The following STN1 variants were observed in gnomAD, a reference collection of about 807,000 sequenced individuals.
STN1 encodes CST complex subunit STN1.
A neutral mutation model predicts 45.5 loss-of-function variants in STN1; 29 were observed. That is an observed-to-expected ratio of 0.64 (90% confidence interval 0.47 to 0.87). STN1 has a LOEUF of 0.87. STN1 is among the 40% of genes least tolerant of loss of function. The pLI, the probability that STN1 is intolerant of heterozygous loss-of-function variation, is 0.00. For missense variants in STN1, 376 were observed against 441.4 expected (o/e 0.85, Z 1.33); for synonymous variants, 148 against 159.0 (o/e 0.93, Z 0.52).
chr10:103,902,346 T>C (rs1843215059), intron 4 of STN1, among the ~76,000 whole-genome samples: 1 of 152,186 alleles, frequency 6.6e-6, no homozygotes, highest in South Asian at 2.1e-4. Flanking sequence ...ATAAATCTCA[T>C]TGTCATTATG....
At chr10:103,895,448 G>C (rs1204923446) in intron 7 of STN1, among the ~76,000 whole-genome samples, 1 of 152,148 alleles carries the variant, frequency 6.6e-6, no homozygotes, top group Non-Finnish European at 1.5e-5. Context: ...AGAAGTCCTA[G>C]GAGGTCAATT....
Position 103,896,958 on chromosome 10 carries a change from G to C in STN1, c.753+590C>G, listed in dbSNP as rs139108950. On this transcript the variant is annotated intron_variant, in intron 7 of 9. Coordinates refer to ENST00000224950, the MANE Select transcript of STN1 (RefSeq NM_024928.5). The stretch of plus-strand genomic sequence containing the variant: ...GATGTTTAATCTCAGCAGAAGCCAA[G>C]TGACAGGGAAGTAGATGAGAGGAGG... Among the ~76,000 whole-genome samples, 171 of 152,308 alleles carry C rather than the reference G, an allele frequency of 1.1e-3. 1 individual carries two copies. The highest frequency in any genetic ancestry group is 4.0e-3 in the African/African-American group (167 of 41,570).
In STN1 at chr10:103,886,399, A is replaced by ATT. The variant is rs11405900; in HGVS notation, c.949+2671_949+2672dup. Among the ~76,000 whole-genome samples the ATT allele has an allele frequency of 2.5e-3, 368 of 148,562 alleles. 1 individual carries two copies. Among genetic ancestry groups the ATT allele is most frequent in the South Asian group, 9.1e-3 (43 of 4,714 alleles). On this transcript the variant is annotated intron_variant, in intron 9 of 9. Coordinates refer to ENST00000224950, the MANE Select transcript of STN1 (RefSeq NM_024928.5). Reference sequence around the variant, plus strand: ...CGGTGTTTATTGTACCAGTCTTTTAATTTTTTTTTTTTTGATAAATTGGAA... The same window carrying ATT: ...CGGTGTTTATTGTACCAGTCTTTTAATTTTTTTTTTTTTTTGATAAATTGGAA...
intron 5 of STN1, 101 bp downstream of exon 5, chr10:103,899,961 T>C (rs1177664801): frequency 9.6e-7 from 1 of 1,038,476 alleles, no homozygotes. Context: ...GAGTTATACC[T>C]TAACTGAACT....
At chr10:103,910,104 T>C (rs1162393703) in intron 3 of STN1, among the ~76,000 whole-genome samples, 1 of 152,222 alleles carries the variant, frequency 6.6e-6, no homozygotes, top group Non-Finnish European at 1.5e-5. Context: ...TATTTTAAAA[T>C]TATTTTTCAC....
chr10:103,906,093 T>C (rs888519321), intron 3 of STN1, among the ~76,000 whole-genome samples: 1 of 152,180 alleles, frequency 6.6e-6, no homozygotes, highest in Non-Finnish European at 1.5e-5. Context: ...CCTAAATCTA[T>C]GCTGAAGAAA....
At chr10:103,889,243 A>G in intron 8 of STN1, 99 bp from the exon 9 acceptor site, 1 of 762,158 alleles carries the variant, frequency 1.3e-6, no homozygotes, top group East Asian at 2.6e-5. Flanking sequence ...GTTTCTAAAG[A>G]TTACATAATA....
At position 103,878,167 on chromosome 10, in the gene STN1, C is replaced by G. The variant is rs1339831254; in HGVS notation, c.*4517G>C. ...CATAATCATGGCTCTTCAAACAAATCCTTGACCAGACAGTAGCACTATTTG... is the reference window on the plus strand; with the variant it reads ...CATAATCATGGCTCTTCAAACAAATGCTTGACCAGACAGTAGCACTATTTG... On this transcript the variant is annotated 3_prime_UTR_variant, in exon 10 of 10. Coordinates refer to ENST00000224950, the MANE Select transcript of STN1 (RefSeq NM_024928.5). 1.3e-5 allele frequency: 2 copies of G among 152,208 alleles called. No individual in the cohort carries two copies. Among genetic ancestry groups the G allele is most frequent in the Non-Finnish European group, 2.9e-5 (2 of 68,056 alleles). The allele number at this position is 152,208 out of a possible 1,614,324, so 9.4% of individuals were successfully genotyped here. A position where few individuals can be genotyped will look rare whatever the true frequency, so the allele number is the denominator to read the frequency against.
chr10:103,897,715 G>A lies in STN1; in HGVS notation c.586C>T (p.Pro196Ser), dbSNP rs760964853. ...AGACTGGGGAGGTCCAGGGCGCCTG[G>A]ATTGCTGCGGAGGGAAAGTTTTAAA... ...ALEKEEALSN[P>S]GALDLPSLTS... Residue 196 changes from proline (P) to serine (S), a missense_variant, in exon 7 of 10, where the codon CCA becomes TCA. Pro to Ser is a moderately conservative substitution (Grantham distance 74, BLOSUM62 -1). Transcript: ENST00000224950. The A allele has an allele frequency of 6.2e-7, 1 of 1,614,050 alleles. No individual in the cohort carries two copies. Among genetic ancestry groups the A allele is most frequent in the Non-Finnish European group, 8.5e-7 (1 of 1,179,956 alleles).
At chr10:103,887,368 A>G (rs1283988346) in intron 9 of STN1, among the ~76,000 whole-genome samples, 1 of 152,220 alleles carries the variant, frequency 6.6e-6, no homozygotes, top group Non-Finnish European at 1.5e-5. Flanking sequence ...CCCTGATAGA[A>G]AACACATATC....
Position 103,878,207 on chromosome 10 carries a change from C to T in STN1, c.*4477G>A, listed in dbSNP as rs972067998. ...AGCACTATTTGTCTTCTTGCCTACA[C>T]AAGCTACATGTGGGGTTCACACCTC... On this transcript the variant is annotated 3_prime_UTR_variant, in exon 10 of 10. Coordinates refer to ENST00000224950, the MANE Select transcript of STN1 (RefSeq NM_024928.5). 6.6e-6 allele frequency: 1 copy of T among 152,240 alleles called. No homozygotes were observed. The highest frequency in any genetic ancestry group is 2.4e-5 in the African/African-American group (1 of 41,464). The allele number at this position is 152,240 out of a possible 1,614,324, so 9.4% of individuals were successfully genotyped here. A position where few individuals can be genotyped will look rare whatever the true frequency, so the allele number is the denominator to read the frequency against.
Position 103,917,447 on chromosome 10 carries a change from T to A in STN1, c.133+15A>T. 6.2e-7 allele frequency: 1 copy of A among 1,610,770 alleles called. No individual in the cohort carries two copies. Among genetic ancestry groups the A allele is most frequent in the African/African-American group, 1.3e-5 (1 of 74,942 alleles). On this transcript the variant is annotated intron_variant, in intron 2 of 9. Coordinates refer to ENST00000224950, the MANE Select transcript of STN1 (RefSeq NM_024928.5). Reference sequence around the variant, plus strand: ...AGATGCAGCCCAGGGCATCCCAGGGTGGCTAGCCACATACCTGGCACCTGG... The same window carrying A: ...AGATGCAGCCCAGGGCATCCCAGGGAGGCTAGCCACATACCTGGCACCTGG...
At chr10:103,911,787 T>TG (rs1217381013) in intron 2 of STN1, among the ~76,000 whole-genome samples, 6 of 152,142 alleles carry the variant, frequency 3.9e-5, no homozygotes, top group Non-Finnish European at 8.8e-5. Flanking sequence ...TGTCCATTCA[T>TG]GGGGGGACCT....
chr10:103,880,843 G>A lies in STN1; in HGVS notation c.*1841C>T, dbSNP rs182446204. ...GCTTGGTGTCCTGAAAGCCAAACGC[G>A]GAAAGTACTTCCAGGAGAAGGGAGT... is the stretch of plus-strand genomic sequence containing the variant. On this transcript the variant is annotated 3_prime_UTR_variant, in exon 10 of 10. Coordinates refer to ENST00000224950, the MANE Select transcript of STN1 (RefSeq NM_024928.5). Among the ~76,000 whole-genome samples the A allele has an allele frequency of 6.6e-5, 10 of 152,238 alleles. No individual in the cohort carries two copies. The highest frequency in any genetic ancestry group is 4.1e-4 in the South Asian group (2 of 4,824).
At chr10:103,917,865 C>T (rs1267559684) in intron 1 of STN1, among the ~76,000 whole-genome samples, 1 of 152,194 alleles carries the variant, frequency 6.6e-6, no homozygotes, top group Non-Finnish European at 1.5e-5. Flanking sequence ...CCGCTGTTCT[C>T]CTTCCCACAA....
In STN1 at chr10:103,880,735, G is replaced by A. The variant is rs1843063081; in HGVS notation, c.*1949C>T. ...CTGCTGGAGACACCCCAGTGAGCAA[G>A]CCAGATAGAAAAGAGGTCTGGGACT... On this transcript the variant is annotated 3_prime_UTR_variant, in exon 10 of 10. Coordinates refer to ENST00000224950, the MANE Select transcript of STN1 (RefSeq NM_024928.5). 6.6e-6 allele frequency among the ~76,000 whole-genome samples: 1 copy of A among 152,212 alleles called. No individual in the cohort carries two copies. Among genetic ancestry groups the A allele is most frequent in the Admixed American group, 6.5e-5 (1 of 15,280 alleles).
intron 8 of STN1, 22 bp downstream of exon 8, chr10:103,892,108 A>T: frequency 6.4e-7 from 1 of 1,558,004 alleles, no homozygotes; most frequent in Non-Finnish European, 8.6e-7. Context: ...AAAGAAAAAA[A>T]GTTAAGTTGC....
At chr10:103,907,367 C>A (rs1197446465) in intron 3 of STN1, among the ~76,000 whole-genome samples, 1 of 152,058 alleles carries the variant, frequency 6.6e-6, no homozygotes, top group East Asian at 1.9e-4. Context: ...ATATATAATC[C>A]AATTTATGTG....
At chr10:103,897,490 T>A (rs1373409911) in intron 7 of STN1, 58 bp downstream of exon 7, 11 of 1,456,858 alleles carry the variant, frequency 7.6e-6, no homozygotes, top group African/African-American at 6.9e-5. Flanking sequence ...CACCCACACC[T>A]GCAGTTGCAG....
Sources: allele counts gnomAD v4.1 joint callset (sites outside exome capture counted in the v4.1 genomes callset), GRCh38; gene constraint gnomAD v4.1.1; transcripts MANE v1.5; gene names NCBI Gene and HGNC (gene_info 2026-07-23, HGNC 2026-07-21).